The following BRSK2 variants were observed in gnomAD, a reference collection of about 807,000 sequenced individuals.
The protein encoded by BRSK2 is serine/threonine-protein kinase BRSK2.
BRSK2 carries 19 observed loss-of-function variants against 83.3 expected under a neutral mutation model. The ratio of observed to expected loss-of-function variants is 0.23; its 90% CI spans 0.16 to 0.33. The LOEUF (loss-of-function observed/expected upper bound fraction) is 0.33, where lower values mean the gene tolerates loss of function less well. Among genes scored for constraint, BRSK2 ranks in the 10% least tolerant of loss-of-function variants. BRSK2 has a pLI of 1.00. For synonymous variants in BRSK2, 519 were observed against 435.4 expected (o/e 1.19, Z -2.39); for missense variants, 798 against 1,042.3 (o/e 0.77, Z 3.23).
chr11:1,419,148 C>CG (rs56113617), intron 1 of BRSK2, among the ~76,000 whole-genome samples: 22,638 of 102,574 alleles, frequency 0.22, 4,303 homozygotes, highest in African/African-American at 0.29. Context: ...GCACTGGTGG[C>CG]GGGGGGGGCC....
intron 1 of BRSK2, among the ~76,000 whole-genome samples, chr11:1,399,553 G>A (rs897311114): frequency 2.6e-5 from 4 of 152,130 alleles, no homozygotes; most frequent in Non-Finnish European, 4.4e-5. Context: ...TGGCAAGGCC[G>A]GGCTGGTCAG....
chr11:1,397,506 G>C (rs1224877194), intron 1 of BRSK2, among the ~76,000 whole-genome samples: 1 of 152,234 alleles, frequency 6.6e-6, no homozygotes, highest in East Asian at 1.9e-4. Flanking sequence ...AGCTTCCCAG[G>C]CTCGTTCTGC....
At chr11:1,410,771 C>T (rs1481249175) in intron 1 of BRSK2, 5 of 985,356 alleles carry the variant, frequency 5.1e-6, no homozygotes, top group African/African-American at 1.7e-5. Flanking sequence ...GACACCCCTT[C>T]TGGTTGAGAA....
Position 1,438,530 on chromosome 11 carries a change from G to C in BRSK2, c.272+139G>C, listed in dbSNP as rs1465105706. On this transcript the variant is annotated intron_variant, in intron 3 of 19. Coordinates refer to ENST00000528841, the MANE Select transcript of BRSK2 (RefSeq NM_001256627.2). This position sits in a 1 kb window ranked among gnomAD's most constrained non-coding sequence, Gnocchi z 6.4. ...CATCCCAGCAGCCCTGGCCCTGCTA[G>C]CATGAACACCTGCCTGGGTAGGGTC... The C allele has an allele frequency of 2.8e-6, 2 of 726,674 alleles. No homozygotes were observed. The highest frequency in any genetic ancestry group is 2.3e-6 in the Non-Finnish European group (1 of 430,090). The allele number at this position is 726,674 out of a possible 1,614,324, so 45.0% of individuals were successfully genotyped here.
chr11:1,411,082 G>A (rs1564805354), intron 1 of BRSK2: 3 of 1,152,408 alleles, frequency 2.6e-6, no homozygotes, highest in East Asian at 8.0e-5. Context: ...AGGAGGGGGC[G>A]GGCTTTGGAG....
At chr11:1,428,700 A>T (rs1249539022) in intron 1 of BRSK2, among the ~76,000 whole-genome samples, 1 of 152,166 alleles carries the variant, frequency 6.6e-6, no homozygotes, top group Non-Finnish European at 1.5e-5. Flanking sequence ...CTGTCATTCA[A>T]GGATGTGTGT....
At chr11:1,424,901 C>T (rs1011393458) in intron 1 of BRSK2, among the ~76,000 whole-genome samples, 2 of 152,174 alleles carry the variant, frequency 1.3e-5, no homozygotes, top group Non-Finnish European at 2.9e-5. Flanking sequence ...CACAGCACCT[C>T]GTGGGCCCAG....
rs369639890 is a variant in BRSK2, at chr11:1,393,433, C to T, written c.91+3058C>T. Among the ~76,000 whole-genome samples the T allele has an allele frequency of 2.6e-5, 4 of 152,198 alleles. No homozygotes were observed. In the South Asian group the frequency reaches 6.2e-4, roughly 24 times the overall value. ...CATGGGACGATGAGGGGCCTGCCTTCGGGAATCCTCTGTCTGGGGGGCGGG... is the reference window on the plus strand; with the variant it reads ...CATGGGACGATGAGGGGCCTGCCTTTGGGAATCCTCTGTCTGGGGGGCGGG... On this transcript the variant is annotated intron_variant, in intron 1 of 19. Coordinates refer to ENST00000528841, the MANE Select transcript of BRSK2 (RefSeq NM_001256627.2).
intron 2 of BRSK2, among the ~76,000 whole-genome samples, chr11:1,437,018 G>T (rs1590523517): frequency 6.6e-6 from 1 of 151,932 alleles, no homozygotes; most frequent in Non-Finnish European, 1.5e-5. Flanking sequence ...GGGGTTAAGG[G>T]CTGCTGAGGG....
Position 1,407,816 on chromosome 11 carries a change from A to T in BRSK2, c.91+17441A>T, listed in dbSNP as rs1314185009. On this transcript the variant is annotated intron_variant, in intron 1 of 19. Coordinates refer to ENST00000528841, the MANE Select transcript of BRSK2 (RefSeq NM_001256627.2). ...CCTCCAGGCAGGTGCCACCTCCAGG[A>T]GGGCTTTCCCAGAGTGTGGGGCGGG... 2.0e-5 allele frequency among the ~76,000 whole-genome samples: 3 copies of T among 152,308 alleles called. No individual in the cohort carries two copies. The East Asian group carries it at 5.8e-4, about 29-fold the overall frequency.
intron 8 of BRSK2, 135 bp from the exon 9 acceptor site, chr11:1,444,836 T>A: frequency 2.9e-5 from 18 of 629,438 alleles, no homozygotes; most frequent in East Asian, 1.5e-4. Context: ...CCTCCCCACC[T>A]TCCCCCCACT....
intron 15 of BRSK2, 141 bp downstream of exon 15, chr11:1,451,560 C>A: frequency 1.2e-6 from 1 of 868,124 alleles, no homozygotes; most frequent in Non-Finnish European, 1.9e-6. Flanking sequence ...CCCGTCTCGG[C>A]CACTGAGTCT....
In BRSK2 at chr11:1,435,621, C is replaced by T. The variant is rs1282305397; in HGVS notation, c.92-419C>T. On this transcript the variant is annotated intron_variant, in intron 1 of 19. Transcript: ENST00000528841. ...CGGTGGGGGTCTCGGCGGAGGGCTG[C>T]GGCTGAGGTATCTCTGCAGAAGGCT... Among the ~76,000 whole-genome samples, 6 of 121,160 alleles carry T rather than the reference C, an allele frequency of 5.0e-5. No individual in the cohort carries two copies. In the East Asian group the frequency reaches 1.2e-3, roughly 24 times the overall value. 79.5% of individuals were successfully genotyped at this position (121,160 alleles called of 152,430 possible).
Position 1,423,917 on chromosome 11 carries a change from A to G in BRSK2, c.92-12123A>G, listed in dbSNP as rs528176167. On this transcript the variant is annotated intron_variant, in intron 1 of 19. Transcript: ENST00000528841. The surrounding 1 kb of genome is among the most constrained non-coding windows in gnomAD (Gnocchi z 6.5). Reference sequence around the variant, plus strand: ...GCTTTCACCCTCACGTGGCGCCCCCATCCCACCCCGTGTGTCCCCAGCCAC... The same window carrying G: ...GCTTTCACCCTCACGTGGCGCCCCCGTCCCACCCCGTGTGTCCCCAGCCAC... Among the ~76,000 whole-genome samples, 3 of 129,418 alleles carry G rather than the reference A, an allele frequency of 2.3e-5. No individual in the cohort carries two copies. Among genetic ancestry groups the G allele is most frequent in the South Asian group, 2.6e-4 (1 of 3,914 alleles). 84.9% of individuals were successfully genotyped at this position (129,418 alleles called of 152,430 possible). A position where few individuals can be genotyped will look rare whatever the true frequency, so the allele number is the denominator to read the frequency against.
Position 1,456,583 on chromosome 11 carries a change from C to T in BRSK2, c.1850-15C>T, listed in dbSNP as rs189156886. 4 of 1,609,054 alleles carry T rather than the reference C, an allele frequency of 2.5e-6. No individual in the cohort carries two copies. Among genetic ancestry groups the T allele is most frequent in the Non-Finnish European group, 3.4e-6 (4 of 1,178,458 alleles). On this transcript the variant is annotated splice_polypyrimidine_tract_variant and intron_variant, in intron 17 of 19. Coordinates refer to ENST00000528841, the MANE Select transcript of BRSK2 (RefSeq NM_001256627.2). ...GCCCAGGCCCGTCCAGGGCATAACC[C>T]CCTGTCTCCCCTAGGCCCCAGCCGT... is the stretch of plus-strand genomic sequence containing the variant.
chr11:1,444,560 G>A (rs1258703807), intron 8 of BRSK2, among the ~76,000 whole-genome samples: 1 of 152,076 alleles, frequency 6.6e-6, no homozygotes, highest in Non-Finnish European at 1.5e-5. Context: ...GCTGCTCCCT[G>A]CTCTCCTGCC....
chr11:1,393,307 G>A (rs1372664096), intron 1 of BRSK2, among the ~76,000 whole-genome samples: 5 of 152,136 alleles, frequency 3.3e-5, no homozygotes, highest in Admixed American at 1.3e-4. Context: ...CCCAAACCTC[G>A]GCTTAGCTCC....
chr11:1,453,570 G>A (rs1212030456), intron 15 of BRSK2, among the ~76,000 whole-genome samples: 1 of 152,194 alleles, frequency 6.6e-6, no homozygotes, highest in Non-Finnish European at 1.5e-5. Context: ...AGGAGGCGTC[G>A]AGGGGCTGAG....
In BRSK2 at chr11:1,454,123, C is replaced by A; in HGVS notation, c.1545-362C>A. On this transcript the variant is annotated intron_variant, in intron 15 of 19. Transcript: ENST00000528841. The surrounding 1 kb of genome is among the most constrained non-coding windows in gnomAD (Gnocchi z 5.2). ...GGGGGGCACAGCTGACTTCAGGAGCCCAGCTTGAGCCACCTCTCACAGCGG... is the reference window on the plus strand; with the variant it reads ...GGGGGGCACAGCTGACTTCAGGAGCACAGCTTGAGCCACCTCTCACAGCGG... 6.0e-6 allele frequency: 1 copy of A among 167,104 alleles called. No homozygotes were observed. The highest frequency in any genetic ancestry group is 1.2e-5 in the Non-Finnish European group (1 of 84,550). 10.4% of individuals were successfully genotyped at this position (167,104 alleles called of 1,614,324 possible). A position where few individuals can be genotyped will look rare whatever the true frequency, so the allele number is the denominator to read the frequency against.
Sources: gnomAD v4.1 joint callset for allele counts (sites outside exome capture counted in the v4.1 genomes callset) on GRCh38, gnomAD v4.1.1 for gene constraint, Gnocchi (gnomAD v3.1) non-coding constraint, MANE v1.5 for transcripts, NCBI Gene and HGNC (gene_info 2026-07-23, HGNC 2026-07-21) for gene names.